Variants in CLTRN observed in about 807,000 individuals in gnomAD.
The protein encoded by CLTRN is collectrin.
CLTRN carries 12 observed loss-of-function variants against 14.5 expected under a neutral mutation model. The ratio of observed to expected loss-of-function variants is 0.83; its 90% CI spans 0.53 to 1.34. The LOEUF (loss-of-function observed/expected upper bound fraction) is 1.34. Ranked by LOEUF, CLTRN falls within the 40% of genes most tolerant of loss-of-function variation. The pLI, the probability that CLTRN is intolerant of heterozygous loss-of-function variation, is 0.00. For missense variants in CLTRN, 154 were observed against 165.1 expected (o/e 0.93, Z 0.37); for synonymous variants, 58 against 56.5 (o/e 1.03, Z -0.12).
chrX:15,657,260 A>G (rs780311919), intron 3 of CLTRN, among the ~76,000 whole-genome samples: 3 of 112,399 alleles, frequency 2.7e-5, no homozygotes, highest in African/African-American at 6.5e-5. Flanking sequence ...TCGGCCTCCC[A>G]AAGTTTTGGG....
chrX:15,659,073 A>G lies in CLTRN; in HGVS notation c.146T>C (p.Leu49Pro), dbSNP rs764972708. 2.5e-6 allele frequency: 3 copies of G among 1,177,962 alleles called. No individual in the cohort carries two copies. The highest frequency in any genetic ancestry group is 3.4e-6 in the Non-Finnish European group (3 of 871,157). The change falls in exon 3 of 6, where the codon CTC (leucine) becomes CCC (proline). Residue 49 changes from leucine to proline, a missense_variant. Coordinates refer to ENST00000380342, the MANE Select transcript of CLTRN (RefSeq NM_020665.6). ...GGAGAAAGCTACCATCGCTTTGAAG[A>G]GGTATTCTTCATTGGTATCCCAGGC... Reference protein sequence around the residue: ...AYAWDTNEEYLFKAMVAFSMR... With the variant: ...AYAWDTNEEYPFKAMVAFSMR...
At chrX:15,672,208 A>G (rs1444699223) in intron 1 of CLTRN, among the ~76,000 whole-genome samples, 1 of 111,936 alleles carries the variant, frequency 8.9e-6, no homozygotes, top group Non-Finnish European at 1.9e-5. Context: ...TGGGAAAAAA[A>G]AAGTATGTGT....
At chrX:15,648,659 A>G (rs778517842) in intron 3 of CLTRN, among the ~76,000 whole-genome samples, 2 of 110,509 alleles carry the variant, frequency 1.8e-5, no homozygotes, top group African/African-American at 6.6e-5. Flanking sequence ...AAAAATACAA[A>G]AATTAGCTAG....
chrX:15,661,057 G>A (rs781768045), intron 2 of CLTRN, among the ~76,000 whole-genome samples: 1 of 111,567 alleles, frequency 9.0e-6, no homozygotes, highest in Admixed American at 9.5e-5. Flanking sequence ...ATTTTATTCA[G>A]AATAAGAGTA....
At chrX:15,653,394 C>A (rs1929274011) in intron 3 of CLTRN, among the ~76,000 whole-genome samples, 1 of 110,525 alleles carries the variant, frequency 9.0e-6, no homozygotes, top group Admixed American at 9.6e-5. Flanking sequence ...TCTTCTGCTT[C>A]TTGGTATCAA....
intron 3 of CLTRN, chrX:15,646,485 C>CCCCCG: frequency 3.3e-6 from 1 of 302,811 alleles, no homozygotes; most frequent in Non-Finnish European, 6.6e-6. Context: ...ACCCCCGCGC[C>CCCCCG]AGAAGCACTG....
At chrX:15,669,822 T>C (rs748786503) in intron 1 of CLTRN, among the ~76,000 whole-genome samples, 1 of 112,211 alleles carries the variant, frequency 8.9e-6, no homozygotes, top group East Asian at 2.8e-4. Context: ...AATATATAGC[T>C]CCTAAAATTA....
At chrX:15,640,691 G>C (rs1473149782) in intron 4 of CLTRN, among the ~76,000 whole-genome samples, 2 of 112,913 alleles carry the variant, frequency 1.8e-5, no homozygotes, top group Non-Finnish European at 3.7e-5. Flanking sequence ...ATGAAAACAT[G>C]AACCAGGAGT....
chrX:15,631,368 A>G (rs1292592524), intron 5 of CLTRN, among the ~76,000 whole-genome samples: 1 of 112,232 alleles, frequency 8.9e-6, no homozygotes, highest in East Asian at 2.8e-4. Context: ...AGCATTCTGA[A>G]GTAGGTGGCA....
intron 2 of CLTRN, among the ~76,000 whole-genome samples, chrX:15,659,835 C>T (rs1025113932): frequency 3.6e-5 from 4 of 111,993 alleles, no homozygotes; most frequent in African/African-American, 1.3e-4. Context: ...CCTATGACAT[C>T]TTGACTTCCA....
At chrX:15,668,214 A>G (rs1929657749), upstream of CLTRN, among the ~76,000 whole-genome samples, 1 of 111,566 alleles carries the variant, frequency 9.0e-6, no homozygotes, top group South Asian at 3.7e-4. Flanking sequence ...ATGTTCTTGT[A>G]GGATGTTGTT....
At chrX:15,665,331 T>TAGAGGGTGGGAGGAGAG (rs1272632665), upstream of CLTRN, among the ~76,000 whole-genome samples, 1 of 111,769 alleles carries the variant, frequency 8.9e-6, no homozygotes, top group African/African-American at 3.3e-5. Context: ...TACTTAAGGT[T>TAGAGGGTGGGAGGAGAG]AGAGGGTGGG....
chrX:15,675,011 A>C (rs1569258223), exon 1 of CLTRN: 1 of 112,637 alleles, frequency 8.9e-6, no homozygotes, highest in East Asian at 2.8e-4. Context: ...GCCTGTTCCG[A>C]GAGAATGGAA....
intron 3 of CLTRN, among the ~76,000 whole-genome samples, chrX:15,652,146 A>T (rs1028917931): frequency 1.8e-5 from 2 of 112,290 alleles, no homozygotes; most frequent in South Asian, 7.3e-4. Context: ...AACTAATGTG[A>T]CTTCTCCATG....
intron 5 of CLTRN, among the ~76,000 whole-genome samples, chrX:15,636,478 GTTAA>G (rs1252671345): frequency 8.9e-6 from 1 of 112,228 alleles, no homozygotes; most frequent in East Asian, 2.8e-4. Flanking sequence ...GAATTTATAT[GTTAA>G]TTATTTGATT....
At chrX:15,655,686 C>A (rs891569003) in intron 3 of CLTRN, among the ~76,000 whole-genome samples, 3 of 111,937 alleles carry the variant, frequency 2.7e-5, no homozygotes, top group South Asian at 3.7e-4. Context: ...TAAGAAGTAG[C>A]CACCAGTTTC....
chrX:15,637,876 C>G (rs1465074849), intron 5 of CLTRN, among the ~76,000 whole-genome samples: 4 of 112,199 alleles, frequency 3.6e-5, no homozygotes, highest in Non-Finnish European at 5.6e-5. Context: ...CAGCTTGAGT[C>G]TAGCACCACA....
intron 5 of CLTRN, 73 bp downstream of exon 5, chrX:15,639,489 T>A: frequency 1.0e-6 from 1 of 972,170 alleles, no homozygotes; most frequent in Non-Finnish European, 1.4e-6. Flanking sequence ...CAGAGGAAAA[T>A]CCTCTCCTGA....
intron 1 of CLTRN, among the ~76,000 whole-genome samples, chrX:15,673,520 GTGTGTT>G (rs1569257828): frequency 8.9e-6 from 1 of 112,410 alleles, no homozygotes; most frequent in Non-Finnish European, 1.9e-5. Flanking sequence ...CCCATTTCCG[GTGTGTT>G]TAATTTTTCA....
Sources: allele counts gnomAD v4.1 joint callset (sites outside exome capture counted in the v4.1 genomes callset), GRCh38; gene constraint gnomAD v4.1.1; transcripts MANE v1.5; gene names NCBI Gene and HGNC (gene_info 2026-07-23, HGNC 2026-07-21).